The following FCRL4 variants were observed in gnomAD, a reference collection of about 807,000 sequenced individuals.
The protein encoded by FCRL4 is Fc receptor like 4, also known as Fc receptor-like protein 4.
In FCRL4, 43 loss-of-function variants were observed where a neutral mutation model predicts 64.1. That is an observed-to-expected ratio of 0.67 (90% CI 0.53 to 0.87). The LOEUF is 0.87. FCRL4 is among the 40% of genes least tolerant of loss of function. The pLI is 0.00. For synonymous variants in FCRL4, 253 were observed against 239.8 expected (o/e 1.05, Z -0.51); for missense variants, 656 against 613.5 (o/e 1.07, Z -0.73).
intron 10 of FCRL4, 128 bp from the exon 11 acceptor site, chr1:157,575,858 C>T: frequency 1.2e-6 from 1 of 829,132 alleles, no homozygotes; most frequent in Middle Eastern, 3.5e-4. Flanking sequence ...ACCTCATCCC[C>T]TAACATGTCC....
At chr1:157,596,407 C>G in intron 1 of FCRL4, 59 bp from the exon 2 acceptor site, 1 of 1,597,210 alleles carries the variant, frequency 6.3e-7, no homozygotes, top group Admixed American at 1.7e-5. Flanking sequence ...ACTATTCACC[C>G]TGAGAGCCCA....
chr1:157,578,049 A>G (rs143529737), intron 10 of FCRL4, among the ~76,000 whole-genome samples: 3 of 152,332 alleles, frequency 2.0e-5, no homozygotes, highest in East Asian at 3.9e-4. Flanking sequence ...GGAATATAAT[A>G]CTGTAAAAAT....
Position 157,588,010 on chromosome 1 carries a change from A to T in FCRL4, c.417T>A (p.Asn139Lys). The change falls in exon 4 of 12, where the codon AAT becomes AAA. Residue 139 changes from asparagine (N) to lysine (K), a missense_variant. Transcript: ENST00000271532. Reference sequence around the variant, plus strand: ...TATTAGAAATGGAAAGAATGTTTCCATTCCAAGTATATTTCACAGCAGTCA... The same window carrying T: ...TATTAGAAATGGAAAGAATGTTTCCTTTCCAAGTATATTTCACAGCAGTCA... ...EKLTAVKYTW[N>K]GNILSISNKS... 2 of 1,613,250 alleles carry T rather than the reference A, an allele frequency of 1.2e-6. No individual in the cohort carries two copies. The highest frequency in any genetic ancestry group is 1.7e-6 in the Non-Finnish European group (2 of 1,179,580).
intron 3 of FCRL4, 93 bp downstream of exon 3, chr1:157,589,111 A>G: frequency 7.3e-7 from 1 of 1,370,700 alleles, no homozygotes; most frequent in Non-Finnish European, 1.0e-6. Flanking sequence ...AGGGTTAGAG[A>G]GGAATGAAAG....
Position 157,588,047 on chromosome 1 carries a change from C to G in FCRL4, c.380G>C (p.Arg127Thr). 1 of 1,613,448 alleles carries G rather than the reference C, an allele frequency of 6.2e-7. No homozygotes were observed. Among genetic ancestry groups the G allele is most frequent in the South Asian group, 1.1e-5 (1 of 90,920 alleles). ...TTTCACAGCAGTCAATTTCTCTTTC[C>G]TTCTTCTGTGGCATCTCAGAACCAA... is the stretch of plus-strand genomic sequence containing the variant. The part of the protein sequence containing the change: ...DTLVLRCHRR[R>T]KEKLTAVKYT... Residue 127 changes from arginine to threonine, a missense_variant, in exon 4 of 12, where the codon AGG (arginine) becomes ACG (threonine). By Grantham distance (71) the Arg-to-Thr change is moderately conservative (BLOSUM62 -1). Transcript: ENST00000271532.
rs764539926 is a variant in FCRL4 at position 157,588,170 on chromosome 1, CCTT to C, written c.308-54_308-52del. 6 of 1,538,170 alleles carry C rather than the reference CCTT, an allele frequency of 3.9e-6. No homozygotes were observed. In the East Asian group the frequency reaches 6.8e-5, roughly 17 times the overall value. On this transcript the variant is annotated intron_variant, in intron 3 of 11. Transcript: ENST00000271532. ...GTCATTCAAAGCATTCCTGCTATCT[CCTT>C]CTTCTCTTGAATTACAAAGGCTTTA...
chr1:157,582,997 T>TTTC (rs1652596774), intron 6 of FCRL4, among the ~76,000 whole-genome samples: 1 of 152,232 alleles, frequency 6.6e-6, no homozygotes, highest in Non-Finnish European at 1.5e-5. Context: ...GGTAACCCTA[T>TTTC]TTCCTAAAAG....
In FCRL4 at chr1:157,574,438, C is replaced by T. The variant is rs2101671802; in HGVS notation, c.*1086G>A. The T allele has an allele frequency of 4.7e-6, 1 of 213,634 alleles. No individual in the cohort carries two copies. The highest frequency in any genetic ancestry group is 1.9e-4 in the South Asian group (1 of 5,348). The allele number at this position is 213,634 out of a possible 1,614,324, so 13.2% of individuals were successfully genotyped here. A position where few individuals can be genotyped will look rare whatever the true frequency, so the allele number is the denominator to read the frequency against. On this transcript the variant is annotated 3_prime_UTR_variant, in exon 12 of 12. Transcript: ENST00000271532. ...GTATTGTACACTTCCATCAGGAGAC[C>T]TCTAATATTTGGCTGCTGGTTTTTG...
chr1:157,593,890 C>T (rs985169002), intron 2 of FCRL4, among the ~76,000 whole-genome samples: 6 of 152,192 alleles, frequency 3.9e-5, no homozygotes, highest in African/African-American at 1.2e-4. Context: ...TTCACTCAAA[C>T]GTCCTTACCA....
chr1:157,586,596 A>C, intron 5 of FCRL4, 141 bp from the exon 6 acceptor site: 1 of 687,058 alleles, frequency 1.5e-6, no homozygotes, highest in East Asian at 2.7e-5. Flanking sequence ...CCAATAGACC[A>C]CAGATTTAGC....
intron 6 of FCRL4, among the ~76,000 whole-genome samples, chr1:157,585,354 C>CTT (rs1338255997): frequency 4.9e-5 from 3 of 61,558 alleles, no homozygotes; most frequent in Admixed American, 1.8e-4. Context: ...CTCTTTCTTT[C>CTT]TTTCTTTCTT....
chr1:157,578,897 A>G (rs749661404), intron 8 of FCRL4, 45 bp from the exon 9 acceptor site: 2 of 1,494,050 alleles, frequency 1.3e-6, no homozygotes, highest in African/African-American at 2.8e-5. Flanking sequence ...ACACTGTAAC[A>G]TGCGGGAGAG....
In FCRL4 at chr1:157,585,406, C is replaced by G. The variant is rs535584771; in HGVS notation, c.1135+762G>C. 1.9e-3 allele frequency among the ~76,000 whole-genome samples: 216 copies of G among 115,642 alleles called. 5 individuals are homozygous for G. Among genetic ancestry groups the G allele is most frequent in the African/African-American group, 7.2e-3 (208 of 29,056 alleles). 75.9% of individuals were successfully genotyped at this position (115,642 alleles called of 152,430 possible). A position where few individuals can be genotyped will look rare whatever the true frequency, so the allele number is the denominator to read the frequency against. On this transcript the variant is annotated intron_variant, in intron 6 of 11. Coordinates refer to ENST00000271532, the MANE Select transcript of FCRL4 (RefSeq NM_031282.3). ...TCTTTCTTTCTTTCCTTCTTTCTTT[C>G]TTTCTTTCTTTCTTTCCTTTTTCAG...
intron 5 of FCRL4, 54 bp from the exon 6 acceptor site, chr1:157,586,509 A>G (rs1652700436): frequency 3.9e-6 from 6 of 1,529,928 alleles, no homozygotes; most frequent in Admixed American, 3.8e-5. Context: ...GGGCAGGGCT[A>G]GGTAGCTGGG....
intron 6 of FCRL4, among the ~76,000 whole-genome samples, chr1:157,585,419 T>TTC (rs1652669256): frequency 6.8e-6 from 1 of 147,232 alleles, no homozygotes; most frequent in African/African-American, 2.5e-5. Context: ...TCTTTCTTTC[T>TTC]TTCCTTTTTC....
chr1:157,584,665 A>G (rs532773332), intron 6 of FCRL4, among the ~76,000 whole-genome samples: 1 of 152,126 alleles, frequency 6.6e-6, no homozygotes, highest in African/African-American at 2.4e-5. Flanking sequence ...GAAACACCTC[A>G]GTCTCTTAAC....
intron 3 of FCRL4, among the ~76,000 whole-genome samples, chr1:157,588,359 G>A (rs547861251): frequency 2.4e-4 from 37 of 152,280 alleles, no homozygotes; most frequent in Non-Finnish European, 4.7e-4. Flanking sequence ...AGTCTAATAC[G>A]GAGAATAAAA....
rs184993440 is a variant in FCRL4, at chr1:157,589,099, C to T, written c.307+105G>A. ...AATATGAAACTAAAGGAGCTGGGAT[C>T]GAGGGTTAGAGAGGAATGAAAGACC... On this transcript the variant is annotated intron_variant, in intron 3 of 11. Transcript: ENST00000271532. 4.0e-4 allele frequency: 505 copies of T among 1,260,944 alleles called. 1 individual carries two copies. The African/African-American group carries it at 5.3e-3, about 13-fold the overall frequency. 78.1% of individuals were successfully genotyped at this position (1,260,944 alleles called of 1,614,324 possible).
rs1034987673 is a variant in FCRL4 at position 157,574,274 on chromosome 1, A to C, written c.*1250T>G. On this transcript the variant is annotated 3_prime_UTR_variant, in exon 12 of 12. Coordinates refer to ENST00000271532, the MANE Select transcript of FCRL4 (RefSeq NM_031282.3). ...GCCCTATAGAACTTTTTCTCAGTTT[A>C]TGTTTTGCTGGTTGCAATCCCATAA... is the stretch of plus-strand genomic sequence containing the variant. 4.6e-6 allele frequency: 1 copy of C among 217,798 alleles called. No homozygotes were observed. The highest frequency in any genetic ancestry group is 2.3e-5 in the African/African-American group (1 of 44,284). The allele number at this position is 217,798 out of a possible 1,614,324, so 13.5% of individuals were successfully genotyped here. A position where few individuals can be genotyped will look rare whatever the true frequency, so the allele number is the denominator to read the frequency against.
Sources: gnomAD v4.1 joint callset for allele counts (sites outside exome capture counted in the v4.1 genomes callset) on GRCh38, gnomAD v4.1.1 for gene constraint, MANE v1.5 for transcripts, NCBI Gene and HGNC (gene_info 2026-07-23, HGNC 2026-07-21) for gene names.